The following GRM7 variants were observed in gnomAD, a reference collection of about 807,000 sequenced individuals.
The protein encoded by GRM7 is glutamate metabotropic receptor 7, also known as metabotropic glutamate receptor 7.
Under a neutral mutation model 84.5 loss-of-function variants are expected in GRM7, and 35 were observed. The observed-to-expected ratio is 0.41, with a 90% confidence interval of 0.32 to 0.55. The LOEUF is 0.55. Among genes scored for constraint, GRM7 ranks in the 20% least tolerant of loss-of-function variants. GRM7 has a pLI of 0.19. For missense variants in GRM7, 1,003 were observed against 1,194.6 expected (o/e 0.84, Z 2.36); for synonymous variants, 487 against 455.1 (o/e 1.07, Z -0.89).
At chr3:7,095,360 T>A (rs374049931) in intron 1 of GRM7, among the ~76,000 whole-genome samples, 23 of 152,278 alleles carry the variant, frequency 1.5e-4, no homozygotes, top group African/African-American at 5.3e-4. Context: ...TTTTCAAGCA[T>A]CCCTCTTTGG....
chr3:7,549,393 A>G (rs1371333394), intron 7 of GRM7, among the ~76,000 whole-genome samples: 2 of 152,204 alleles, frequency 1.3e-5, no homozygotes, highest in African/African-American at 4.8e-5. Context: ...TAGTGTTTAT[A>G]GTATGGAAAT....
intron 8 of GRM7, among the ~76,000 whole-genome samples, chr3:7,648,869 GT>G (rs752963535): frequency 6.6e-5 from 10 of 152,100 alleles, no homozygotes; most frequent in Non-Finnish European, 1.3e-4. Flanking sequence ...CTTTTGACTA[GT>G]GGATTTAGTC....
intron 4 of GRM7, among the ~76,000 whole-genome samples, chr3:7,340,608 C>T (rs1701602280): frequency 6.6e-6 from 1 of 152,134 alleles, no homozygotes; most frequent in African/African-American, 2.4e-5. Flanking sequence ...AACCATATCA[C>T]ATCTATTACT....
chr3:7,645,424 G>C (rs1698582380), intron 8 of GRM7, among the ~76,000 whole-genome samples: 1 of 151,656 alleles, frequency 6.6e-6, no homozygotes, highest in Non-Finnish European at 1.5e-5. Context: ...GTGCGCGCCT[G>C]TAATCCCAGC....
At chr3:7,617,941 G>T (rs1354972155) in intron 8 of GRM7, among the ~76,000 whole-genome samples, 1 of 152,064 alleles carries the variant, frequency 6.6e-6, no homozygotes, top group Non-Finnish European at 1.5e-5. Flanking sequence ...GCCAGTCCTG[G>T]ATTCTTGTGC....
chr3:7,408,652 C>T (rs958987914), intron 4 of GRM7, among the ~76,000 whole-genome samples: 13 of 152,174 alleles, frequency 8.5e-5, no homozygotes, highest in African/African-American at 3.1e-4. Flanking sequence ...CTCAAAGATT[C>T]TCAAGAGAGG....
chr3:6,873,334 A>C (rs970516013), intron 1 of GRM7, among the ~76,000 whole-genome samples: 1 of 152,102 alleles, frequency 6.6e-6, no homozygotes, highest in East Asian at 1.9e-4. Context: ...TGGCCTCCCA[A>C]AGTGTTGGGA....
intron 9 of GRM7, among the ~76,000 whole-genome samples, chr3:7,734,920 G>C (rs1232025208): frequency 6.6e-6 from 1 of 152,154 alleles, no homozygotes; most frequent in African/African-American, 2.4e-5. Flanking sequence ...TAGCTTTCTT[G>C]AAGTCTCAAA....
At chr3:7,656,459 G>A (rs185868304) in intron 8 of GRM7, among the ~76,000 whole-genome samples, 1 of 151,308 alleles carries the variant, frequency 6.6e-6, no homozygotes, top group African/African-American at 2.4e-5. Flanking sequence ...TCATGCCACT[G>A]TACTCCAGTC....
intron 5 of GRM7, among the ~76,000 whole-genome samples, chr3:7,445,666 C>T (rs1697474496): frequency 6.6e-6 from 1 of 152,180 alleles, no homozygotes. Flanking sequence ...TAGGATTTTA[C>T]TCTGGGATTC....
rs149239706 is a variant in GRM7, at chr3:6,894,379, G to T, written c.519+32472G>T. Among the ~76,000 whole-genome samples, 626 of 152,152 alleles carry T rather than the reference G, an allele frequency of 4.1e-3. 7 individuals are homozygous for T. The highest frequency in any genetic ancestry group is 0.014 in the African/African-American group (591 of 41,524). On this transcript the variant is annotated intron_variant, in intron 1 of 9. Coordinates refer to ENST00000357716, the MANE Select transcript of GRM7 (RefSeq NM_000844.4). ...TATCAAATGTACTGCAATAATGAAAGCAAATCCCACTTCTAGCTAATGAAA... is the reference window on the plus strand; with the variant it reads ...TATCAAATGTACTGCAATAATGAAATCAAATCCCACTTCTAGCTAATGAAA...
chr3:7,590,419 T>C (rs1695723751), intron 8 of GRM7, among the ~76,000 whole-genome samples: 1 of 148,914 alleles, frequency 6.7e-6, no homozygotes, highest in South Asian at 2.1e-4. Flanking sequence ...TGCCTATGGT[T>C]GCTTTTATTG....
chr3:7,097,199 A>G (rs6763191), intron 1 of GRM7, among the ~76,000 whole-genome samples: 70,578 of 151,840 alleles, frequency 0.46, 17,431 homozygotes, highest in African/African-American at 0.64. Flanking sequence ...CCAGATGGGG[A>G]GCCCTGTCCC....
At chr3:7,042,548 G>T (rs1258094643) in intron 1 of GRM7, among the ~76,000 whole-genome samples, 3 of 151,490 alleles carry the variant, frequency 2.0e-5, no homozygotes, top group Admixed American at 1.3e-4. Flanking sequence ...TGTTTTCTTG[G>T]GTCATTTCTA....
intron 7 of GRM7, among the ~76,000 whole-genome samples, chr3:7,464,680 T>C (rs1698388369): frequency 6.6e-6 from 1 of 151,784 alleles, no homozygotes; most frequent in Non-Finnish European, 1.5e-5. Context: ...ACAAAAAAAT[T>C]AGCCGGGCAT....
chr3:7,017,942 G>A (rs1695635293), intron 1 of GRM7, among the ~76,000 whole-genome samples: 1 of 152,142 alleles, frequency 6.6e-6, no homozygotes, highest in Non-Finnish European at 1.5e-5. Flanking sequence ...TTAGTTCCAA[G>A]CACCTAATTA....
intron 2 of GRM7, among the ~76,000 whole-genome samples, chr3:7,237,786 A>T (rs1285589998): frequency 6.6e-6 from 1 of 151,938 alleles, no homozygotes; most frequent in Non-Finnish European, 1.5e-5. Context: ...TTATTCCCTT[A>T]TTTGGCCCTA....
chr3:7,001,145 CAAT>C (rs1695000031), intron 1 of GRM7, among the ~76,000 whole-genome samples: 1 of 152,030 alleles, frequency 6.6e-6, no homozygotes, highest in Admixed American at 6.6e-5. Context: ...TTTTTAAATA[CAAT>C]AAGCCTGGAC....
intron 2 of GRM7, among the ~76,000 whole-genome samples, chr3:7,174,072 T>C (rs10866078): frequency 0.23 from 34,628 of 152,060 alleles, 4,419 homozygotes; most frequent in Non-Finnish European, 0.29. Context: ...GAGAAGGTGG[T>C]ATTTAATCTC....
Sources: allele counts gnomAD v4.1 joint callset (sites outside exome capture counted in the v4.1 genomes callset), GRCh38; gene constraint gnomAD v4.1.1; transcripts MANE v1.5; gene names NCBI Gene and HGNC (gene_info 2026-07-23, HGNC 2026-07-21).